The following CLDN16 variants were observed in gnomAD, a reference collection of about 807,000 sequenced individuals.
CLDN16 encodes claudin 16, also known as claudin-16.
Under a neutral mutation model 24.6 loss-of-function variants are expected in CLDN16, and 13 were observed. That is an observed-to-expected ratio of 0.53 (90% confidence interval 0.34 to 0.84). CLDN16 has a LOEUF of 0.84. Ranked by LOEUF, CLDN16 falls within the 40% of genes least tolerant of loss-of-function variation. CLDN16 has a pLI of 0.01. For missense variants in CLDN16, 298 were observed against 292.7 expected (o/e 1.02, Z -0.13); for synonymous variants, 116 against 106.7 (o/e 1.09, Z -0.54).
intron 1 of CLDN16, among the ~76,000 whole-genome samples, chr3:190,339,671 A>G (rs6808077): frequency 0.039 from 5,966 of 152,320 alleles, 393 homozygotes; most frequent in African/African-American, 0.13. Context: ...AACCTCCTGC[A>G]AGAATTGAAA....
At chr3:190,309,332 G>A in the CLDN16 span, among the ~76,000 whole-genome samples, 1 of 152,164 alleles carries the variant, frequency 6.6e-6, no homozygotes, top group Non-Finnish European at 1.5e-5. Flanking sequence ...TTCTTACACT[G>A]TAAATCTTAT....
At chr3:190,341,525 C>G (rs1468003200) in intron 1 of CLDN16, among the ~76,000 whole-genome samples, 3 of 151,850 alleles carry the variant, frequency 2.0e-5, no homozygotes, top group African/African-American at 7.3e-5. Context: ...CAGAGGAACC[C>G]TGGGCCTGGC....
At chr3:190,312,622 C>T in the CLDN16 span, among the ~76,000 whole-genome samples, 1 of 152,158 alleles carries the variant, frequency 6.6e-6, no homozygotes, top group Admixed American at 6.5e-5. Flanking sequence ...ACTTTCTTCA[C>T]TGGAAGAGAC....
the CLDN16 span, among the ~76,000 whole-genome samples, chr3:190,300,966 T>G: frequency 6.6e-6 from 1 of 152,178 alleles, no homozygotes; most frequent in Non-Finnish European, 1.5e-5. Context: ...GATCCGGTAA[T>G]GAGAAAAATA....
At chr3:190,381,201 A>G (rs1718363353) in intron 3 of CLDN16, among the ~76,000 whole-genome samples, 1 of 152,098 alleles carries the variant, frequency 6.6e-6, no homozygotes, top group African/African-American at 2.4e-5. Context: ...TTCCTAAAAT[A>G]CAATTGATTA....
chr3:190,366,061 A>G (rs941432520), intron 1 of CLDN16, among the ~76,000 whole-genome samples: 1 of 151,930 alleles, frequency 6.6e-6, no homozygotes, highest in Non-Finnish European at 1.5e-5. Flanking sequence ...TGCCTTCTCA[A>G]GTTTAAAGAT....
At chr3:190,297,491 T>A in the CLDN16 span, among the ~76,000 whole-genome samples, 1 of 104,142 alleles carries the variant, frequency 9.6e-6, no homozygotes. Context: ...ATATTATATA[T>A]CTATATTTAT....
chr3:190,320,837 C>T (rs1716898336), upstream of CLDN16, among the ~76,000 whole-genome samples: 1 of 152,094 alleles, frequency 6.6e-6, no homozygotes, highest in Admixed American at 6.5e-5. Flanking sequence ...AAGGGCATAA[C>T]AGACACATGA....
At chr3:190,333,546 CT>C (rs1210299483) in intron 1 of CLDN16, among the ~76,000 whole-genome samples, 2 of 113,482 alleles carry the variant, frequency 1.8e-5, no homozygotes, top group Admixed American at 1.8e-4. Flanking sequence ...ATCTATCTAT[CT>C]ATCTATCTAT....
chr3:190,408,230 C>T, intron 3 of CLDN16, 84 bp from the exon 4 acceptor site: 1 of 1,331,640 alleles, frequency 7.5e-7, no homozygotes, highest in Non-Finnish European at 1.1e-6. Flanking sequence ...ATCACGCCAG[C>T]CATTTTGTGT....
In CLDN16 at chr3:190,410,377, A is replaced by T. The variant is rs1180204001; in HGVS notation, c.*341A>T. 1 of 194,326 alleles carries T rather than the reference A, an allele frequency of 5.1e-6. No individual in the cohort carries two copies. Among genetic ancestry groups the T allele is most frequent in the Non-Finnish European group, 1.1e-5 (1 of 94,438 alleles). The allele number at this position is 194,326 out of a possible 1,614,324, so 12.0% of individuals were successfully genotyped here. A position where few individuals can be genotyped will look rare whatever the true frequency, so the allele number is the denominator to read the frequency against. ...TGAAATGATACTTAAACAGAAAGCA[A>T]TTTCCAAAGAGGCCAGGGACCCTAA... On this transcript the variant is annotated 3_prime_UTR_variant, in exon 5 of 5. Transcript: ENST00000264734.
At chr3:190,321,977 C>T (rs1367186403), upstream of CLDN16, 3 of 1,611,804 alleles carry the variant, frequency 1.9e-6, no homozygotes, top group Admixed American at 1.7e-5. Context: ...GGTGGGGGTG[C>T]ACTCACTGCT....
chr3:190,341,146 C>G (rs1474164847), intron 1 of CLDN16, among the ~76,000 whole-genome samples: 2 of 152,156 alleles, frequency 1.3e-5, no homozygotes, highest in Admixed American at 1.3e-4. Flanking sequence ...ATTATGGGGT[C>G]TAGAGGATGA....
chr3:190,382,345 A>C (rs772650195), intron 3 of CLDN16, among the ~76,000 whole-genome samples: 1 of 152,132 alleles, frequency 6.6e-6, no homozygotes, highest in Non-Finnish European at 1.5e-5. Context: ...ACTGAATTTG[A>C]GGCTGATTTT....
intron 1 of CLDN16, among the ~76,000 whole-genome samples, chr3:190,342,769 A>G (rs76628826): frequency 0.039 from 5,954 of 152,276 alleles, 388 homozygotes; most frequent in African/African-American, 0.13. Flanking sequence ...CACATGCAAA[A>G]GAAATACATT....
chr3:190,324,201 G>A (rs1717007055), intron 1 of CLDN16, among the ~76,000 whole-genome samples: 1 of 152,192 alleles, frequency 6.6e-6, no homozygotes. Context: ...CGGTGGCTCA[G>A]GCCAGGCGCA....
chr3:190,377,139 A>G (rs922856543), intron 3 of CLDN16, among the ~76,000 whole-genome samples: 4 of 151,962 alleles, frequency 2.6e-5, no homozygotes, highest in Admixed American at 2.6e-4. Context: ...CCGCAAGAAA[A>G]CAGGGTACAT....
chr3:190,367,692 C>T (rs1217774948), intron 1 of CLDN16, among the ~76,000 whole-genome samples: 2 of 151,878 alleles, frequency 1.3e-5, no homozygotes, highest in African/African-American at 4.8e-5. Flanking sequence ...TGGCCAAAGC[C>T]TACTTTATTG....
chr3:190,383,328 C>G (rs1226418049), upstream of CLDN16, among the ~76,000 whole-genome samples: 1 of 152,094 alleles, frequency 6.6e-6, no homozygotes, highest in Non-Finnish European at 1.5e-5. Context: ...GCCTAAAGAA[C>G]AAGGCTTCAG....
Sources: gnomAD v4.1 joint callset for allele counts (sites outside exome capture counted in the v4.1 genomes callset) on GRCh38, gnomAD v4.1.1 for gene constraint, MANE v1.5 for transcripts, NCBI Gene and HGNC (gene_info 2026-07-23, HGNC 2026-07-21) for gene names.